The following CSF2RA variants were observed in gnomAD, a reference collection of about 807,000 sequenced individuals.
The protein encoded by CSF2RA is granulocyte-macrophage colony-stimulating factor receptor subunit alpha.
CSF2RA carries 42 observed loss-of-function variants against 51.6 expected under a neutral mutation model. That is an observed-to-expected ratio of 0.81 (90% CI 0.64 to 1.05). The LOEUF is 1.05. CSF2RA is among the 50% of genes least tolerant of loss of function. CSF2RA has a pLI of 0.00. For synonymous variants in CSF2RA, 222 were observed against 193.0 expected (o/e 1.15, Z -1.24); for missense variants, 530 against 501.1 (o/e 1.06, Z -0.55).
At chrX:1,288,154 G>C (rs1232954879) in intron 4 of CSF2RA, among the ~76,000 whole-genome samples, 1 of 151,916 alleles carries the variant, frequency 6.6e-6, no homozygotes, top group East Asian at 1.9e-4. Context: ...ATTTCACAAA[G>C]GGAGGCAGGT....
chrX:1,302,180 T>C (rs2083054583), intron 10 of CSF2RA, among the ~76,000 whole-genome samples: 3 of 152,070 alleles, frequency 2.0e-5, no homozygotes, highest in Non-Finnish European at 4.4e-5. Context: ...CCTCCCAAAG[T>C]GCTGCAATGA....
chrX:1,319,082 G>A, the CSF2RA span, among the ~76,000 whole-genome samples: 3 of 136,098 alleles, frequency 2.2e-5, no homozygotes, highest in South Asian at 2.6e-4. Context: ...TACAACCTCC[G>A]CCTCCCGGGT....
chrX:1,285,993 C>G (rs1255726604), intron 4 of CSF2RA, 73 bp downstream of exon 4: 1 of 1,599,552 alleles, frequency 6.3e-7, no homozygotes, highest in African/African-American at 1.3e-5. Flanking sequence ...ACAGGGCCGG[C>G]TGGGCGCGGC....
At position 1,305,487 on chromosome X, in the gene CSF2RA, T is replaced by C. The variant is rs767295434; in HGVS notation, c.1085T>C (p.Ile362Thr). 6.2e-7 allele frequency: 1 copy of C among 1,613,820 alleles called. No individual in the cohort carries two copies. The highest frequency in any genetic ancestry group is 1.1e-5 in the South Asian group (1 of 91,070). ...CGGCTGTTCCCGCCAGTTCCACAGATCAAAGACAAACTGAATGATAACCAT... is the reference window on the plus strand; with the variant it reads ...CGGCTGTTCCCGCCAGTTCCACAGACCAAAGACAAACTGAATGATAACCAT... ...IQRLFPPVPQIKDKLNDNHEV... is the reference protein window; with the variant it reads ...IQRLFPPVPQTKDKLNDNHEV... The change falls in exon 12 of 13, where the codon ATC (isoleucine) becomes ACC (threonine). Residue 362 changes from isoleucine to threonine, a missense_variant. Transcript: ENST00000381529.
chrX:1,268,999 T>C (rs2087970976), intron 1 of CSF2RA, 120 bp downstream of exon 1: 2 of 401,596 alleles, frequency 5.0e-6, no homozygotes, highest in Admixed American at 2.7e-5. Flanking sequence ...ATTTCAAACG[T>C]TGGCTCGAGC....
At chrX:1,280,436 A>C (rs187992469) in intron 2 of CSF2RA, among the ~76,000 whole-genome samples, 1,895 of 148,134 alleles carry the variant, frequency 0.013, 35 homozygotes, top group African/African-American at 0.043. Context: ...GCACCACTGC[A>C]CTCCAGCCTG....
chrX:1,305,927 A>G, intron 12 of CSF2RA: 1 of 775,616 alleles, frequency 1.3e-6, no homozygotes, highest in Non-Finnish European at 2.1e-6. Context: ...CTAAAAATAC[A>G]AAAAATTAGC....
rs776652639 is a variant in CSF2RA at position 1,302,491 on chromosome X, A to T, written c.947-1432A>T. 9.9e-5 allele frequency among the ~76,000 whole-genome samples: 15 copies of T among 151,872 alleles called. No homozygotes were observed. The South Asian group carries it at 2.9e-3, about 30-fold the overall frequency. On this transcript the variant is annotated intron_variant, in intron 10 of 12. Coordinates refer to ENST00000381529, the MANE Select transcript of CSF2RA (RefSeq NM_172245.4). ...GGCCGGGGTGACTGCACCTGTAAGA[A>T]ATTTTTTTTGTTTATTTATTTTTTG... is the stretch of plus-strand genomic sequence containing the variant.
chrX:1,294,962 G>GCTCTTGTCCC (rs2091786833), intron 8 of CSF2RA, among the ~76,000 whole-genome samples: 1 of 147,218 alleles, frequency 6.8e-6, no homozygotes, highest in African/African-American at 2.5e-5. Context: ...TAGACAGGGA[G>GCTCTTGTCCC]AGAGACTGCC....
intron 12 of CSF2RA, among the ~76,000 whole-genome samples, chrX:1,306,463 C>G (rs1315336760): frequency 2.6e-5 from 4 of 151,854 alleles, no homozygotes; most frequent in African/African-American, 4.8e-5. Flanking sequence ...CCTGACCAAC[C>G]TGAAGAAACC....
intron 1 of CSF2RA, among the ~76,000 whole-genome samples, chrX:1,271,877 T>C (rs1185419187): frequency 5.9e-5 from 9 of 152,130 alleles, no homozygotes; most frequent in Admixed American, 4.6e-4. Context: ...GGCTGAAAGC[T>C]CTTGGTCCCC....
downstream of CSF2RA, among the ~76,000 whole-genome samples, chrX:1,314,936 T>C (rs77550877): frequency 0.054 from 1,154 of 21,550 alleles, 89 homozygotes; most frequent in African/African-American, 0.2. Context: ...CGCACTGCAC[T>C]TGCCCAACCC....
At chrX:1,270,243 T>TA (rs60629188) in intron 1 of CSF2RA, among the ~76,000 whole-genome samples, 54,127 of 151,112 alleles carry the variant, frequency 0.36, 11,117 homozygotes, top group African/African-American at 0.56. Flanking sequence ...TTATATATTT[T>TA]TTATTATTAT....
At position 1,282,746 on chromosome X, in the gene CSF2RA, C is replaced by T. The variant is rs760312267; in HGVS notation, c.43C>T (p.His15Tyr). ...AAGCCTTCTGCTCTGTGAGTTACCA[C>T]ACCCAGCATTCCTCCTGATCCCAGA... is the stretch of plus-strand genomic sequence containing the variant. ...VTSLLLCELP[H>Y]PAFLLIPEKS... Residue 15 changes from histidine to tyrosine, a missense_variant, in exon 3 of 13, where the codon CAC (histidine) becomes TAC (tyrosine). Physicochemically the swap from His to Tyr is moderately conservative, Grantham distance 83. Transcript: ENST00000381529. 6.2e-7 allele frequency: 1 copy of T among 1,613,910 alleles called. No individual in the cohort carries two copies. The highest frequency in any genetic ancestry group is 8.5e-7 in the Non-Finnish European group (1 of 1,179,818).
Position 1,294,827 on chromosome X carries a change from TAGG to T in CSF2RA, c.780+371_780+373del, listed in dbSNP as rs1472112232. On this transcript the variant is annotated intron_variant, in intron 8 of 12. Coordinates refer to ENST00000381529, the MANE Select transcript of CSF2RA (RefSeq NM_172245.4). Reference sequence around the variant, plus strand: ...CATGTCTACCTGGACCCAGTGTAGATAGGAGGACACCCGACCCCACCTCCACCT... The same window carrying T: ...CATGTCTACCTGGACCCAGTGTAGATAGGACACCCGACCCCACCTCCACCT... 6.3e-5 allele frequency among the ~76,000 whole-genome samples: 2 copies of T among 31,914 alleles called. 1 individual carries two copies. The highest frequency in any genetic ancestry group is 2.7e-4 in the African/African-American group (2 of 7,302). The allele number at this position is 31,914 out of a possible 152,430, so 20.9% of individuals were successfully genotyped here. A position where few individuals can be genotyped will look rare whatever the true frequency, so the allele number is the denominator to read the frequency against.
At chrX:1,292,367 G>A (rs2091488159) in intron 7 of CSF2RA, among the ~76,000 whole-genome samples, 1 of 152,176 alleles carries the variant, frequency 6.6e-6, no homozygotes, top group Admixed American at 6.5e-5. Flanking sequence ...ATAAGACACA[G>A]AGACAAAGTA....
At chrX:1,316,222 TAGATAGATGATAGATGAC>T in the CSF2RA span, among the ~76,000 whole-genome samples, 39,317 of 141,384 alleles carry the variant, frequency 0.28, 5,895 homozygotes, top group Middle Eastern at 0.39. Context: ...CATAGGTAGA[TAGATAGATGATAGATGAC>T]AGATGATAGA....
intron 10 of CSF2RA, 123 bp downstream of exon 10, chrX:1,300,749 T>A: frequency 1.6e-6 from 2 of 1,281,332 alleles, no homozygotes; most frequent in Non-Finnish European, 2.3e-6. Flanking sequence ...GGGAGTAGTG[T>A]CAGGCTCTGA....
downstream of CSF2RA, among the ~76,000 whole-genome samples, chrX:1,314,142 C>G (rs1225395493): frequency 4.6e-5 from 7 of 152,126 alleles, no homozygotes; most frequent in African/African-American, 1.7e-4. Flanking sequence ...CCTACGGACC[C>G]TCTCCAAGGA....
Sources: allele counts gnomAD v4.1 joint callset (sites outside exome capture counted in the v4.1 genomes callset), GRCh38; gene constraint gnomAD v4.1.1; transcripts MANE v1.5; gene names NCBI Gene and HGNC (gene_info 2026-07-23, HGNC 2026-07-21).